Variants in SGCD observed in about 807,000 individuals in gnomAD.
The protein encoded by SGCD is delta-sarcoglycan.
In SGCD, 18 loss-of-function variants were observed where a neutral mutation model predicts 36.6. The ratio of observed to expected loss-of-function variants is 0.49; its 90% confidence interval spans 0.34 to 0.73. SGCD has a LOEUF of 0.73. Among genes scored for constraint, SGCD ranks in the 30% least tolerant of loss-of-function variants. The probability of loss-of-function intolerance (pLI) is 0.01; values close to 1 mark genes in which losing one functional copy is unlikely to be tolerated. For missense variants in SGCD, 387 were observed against 346.7 expected (o/e 1.12, Z -0.92); for synonymous variants, 133 against 130.6 (o/e 1.02, Z -0.12).
chr5:156,512,911 T>C (rs559003639), intron 4 of SGCD, among the ~76,000 whole-genome samples: 1 of 152,140 alleles, frequency 6.6e-6, no homozygotes, highest in African/African-American at 2.4e-5. Context: ...ATTTAATGTC[T>C]AACTTAAGAG....
chr5:156,494,186 A>G (rs1382163453), intron 3 of SGCD, among the ~76,000 whole-genome samples: 1 of 152,138 alleles, frequency 6.6e-6, no homozygotes, highest in East Asian at 1.9e-4. Flanking sequence ...CACCACATGA[A>G]GCAAATCAAA....
intron 6 of SGCD, among the ~76,000 whole-genome samples, chr5:156,611,000 G>A (rs1427640979): frequency 1.3e-5 from 2 of 152,306 alleles, no homozygotes; most frequent in East Asian, 3.9e-4. Context: ...CAGGTGAGGC[G>A]ATGCCTCGCC....
At chr5:155,729,321 T>C in the SGCD span, among the ~76,000 whole-genome samples, 1 of 152,190 alleles carries the variant, frequency 6.6e-6, no homozygotes, top group Non-Finnish European at 1.5e-5. Flanking sequence ...CGCAGCCGCC[T>C]GGGCGCGCTA....
chr5:156,437,429 G>A (rs1753289870), intron 3 of SGCD, among the ~76,000 whole-genome samples: 1 of 152,108 alleles, frequency 6.6e-6, no homozygotes, highest in South Asian at 2.1e-4. Flanking sequence ...TATGGCAAAG[G>A]AGAGCTGACA....
At chr5:155,786,984 A>G in the SGCD span, among the ~76,000 whole-genome samples, 6 of 152,278 alleles carry the variant, frequency 3.9e-5, no homozygotes, top group South Asian at 1.2e-3. Flanking sequence ...AGGAGGACCC[A>G]CCTTCATCAG....
chr5:155,748,958 A>G, the SGCD span, among the ~76,000 whole-genome samples: 5 of 152,310 alleles, frequency 3.3e-5, no homozygotes, highest in South Asian at 4.1e-4. Context: ...GGATGCAAAC[A>G]TTTGAGAATG....
At chr5:156,459,274 T>G (rs1244807853) in intron 3 of SGCD, among the ~76,000 whole-genome samples, 1 of 152,206 alleles carries the variant, frequency 6.6e-6, no homozygotes, top group Non-Finnish European at 1.5e-5. Context: ...TTCACTGCAC[T>G]CAATGTTCAA....
Position 156,271,635 on chromosome 5 carries a change from G to A in SGCD, c.-43-57899G>A, listed in dbSNP as rs965802224. ...AGGAATAAAAGAGATGTGTGTGTAT[G>A]TGTGTGTGTGTGAGAGAGAGAGAGT... is the stretch of plus-strand genomic sequence containing the variant. On this transcript the variant is annotated intron_variant, in intron 3 of 9. Coordinates refer to the SGCD transcript ENST00000517913. Among the ~76,000 whole-genome samples, 3 of 151,858 alleles carry A rather than the reference G, an allele frequency of 2.0e-5. No individual in the cohort carries two copies. In the East Asian group the frequency reaches 5.8e-4, roughly 29 times the overall value.
At chr5:155,763,065 C>A in the SGCD span, among the ~76,000 whole-genome samples, 1 of 152,168 alleles carries the variant, frequency 6.6e-6, no homozygotes, top group Non-Finnish European at 1.5e-5. Context: ...CACTTTTATT[C>A]CAGAGTAGTA....
At chr5:156,201,976 A>G (rs1421280982) in intron 3 of SGCD, among the ~76,000 whole-genome samples, 2 of 152,164 alleles carry the variant, frequency 1.3e-5, no homozygotes, top group Admixed American at 6.6e-5. Context: ...CCTGACTTCC[A>G]AAACAGCTTT....
chr5:156,514,434 C>T lies in SGCD; in HGVS notation c.294+5732C>T, dbSNP rs529966167. Among the ~76,000 whole-genome samples, 21 of 152,228 alleles carry T rather than the reference C, an allele frequency of 1.4e-4. No homozygotes were observed. The South Asian group carries it at 2.3e-3, about 17-fold the overall frequency. On this transcript the variant is annotated intron_variant, in intron 4 of 8. Coordinates refer to ENST00000337851, the MANE Select transcript of SGCD (RefSeq NM_000337.6). ...TGGGTATAGGGCTCCTAGCCCATTGCTGTATTGAATTTAGAAGTTCGGAAG... is the reference window on the plus strand; with the variant it reads ...TGGGTATAGGGCTCCTAGCCCATTGTTGTATTGAATTTAGAAGTTCGGAAG...
intron 6 of SGCD, among the ~76,000 whole-genome samples, chr5:156,607,876 T>G (rs572675605): frequency 2.1e-4 from 32 of 152,272 alleles, no homozygotes; most frequent in Middle Eastern, 3.4e-3. Context: ...GTATTTCTGT[T>G]GGATCGGTGG....
intron 1 of SGCD, among the ~76,000 whole-genome samples, chr5:156,093,255 C>T (rs1416999425): frequency 6.6e-6 from 1 of 152,220 alleles, no homozygotes; most frequent in Non-Finnish European, 1.5e-5. Context: ...CTTTCCTGCC[C>T]ATACCACATA....
At chr5:156,620,510 A>G (rs1762202870) in intron 6 of SGCD, among the ~76,000 whole-genome samples, 1 of 152,238 alleles carries the variant, frequency 6.6e-6, no homozygotes, top group African/African-American at 2.4e-5. Flanking sequence ...AGGATTAAGT[A>G]GATGGTAAGT....
At chr5:156,446,865 C>A (rs1217102115) in intron 3 of SGCD, among the ~76,000 whole-genome samples, 1 of 152,122 alleles carries the variant, frequency 6.6e-6, no homozygotes. Flanking sequence ...TATCTATAAG[C>A]CCTCCTCTCC....
chr5:156,365,392 T>C (rs942697739), intron 3 of SGCD, among the ~76,000 whole-genome samples: 1 of 152,160 alleles, frequency 6.6e-6, no homozygotes, highest in Non-Finnish European at 1.5e-5. Flanking sequence ...CAGTTGAAGA[T>C]AGTATATGAT....
chr5:156,542,330 A>C (rs1758381050), intron 4 of SGCD, among the ~76,000 whole-genome samples: 1 of 152,176 alleles, frequency 6.6e-6, no homozygotes, highest in South Asian at 2.1e-4. Context: ...TTTGGTCTTA[A>C]TCCAACCACT....
intron 3 of SGCD, among the ~76,000 whole-genome samples, chr5:156,399,304 C>G (rs1772021176): frequency 1.3e-5 from 2 of 152,182 alleles, no homozygotes; most frequent in South Asian, 4.1e-4. Flanking sequence ...TCTCAAGGTG[C>G]AAATTTAGGC....
intron 3 of SGCD, among the ~76,000 whole-genome samples, chr5:156,307,950 CT>C (rs1291610976): frequency 6.6e-6 from 1 of 151,558 alleles, no homozygotes; most frequent in Non-Finnish European, 1.5e-5. Flanking sequence ...ATAACACTAG[CT>C]TTTATACTAA....
Sources: allele counts gnomAD v4.1 joint callset (sites outside exome capture counted in the v4.1 genomes callset), GRCh38; gene constraint gnomAD v4.1.1; transcripts MANE v1.5; gene names NCBI Gene and HGNC (gene_info 2026-07-23, HGNC 2026-07-21).